YLPM1: variants seen among roughly 807,000 people sequenced by gnomAD.
YLPM1 encodes the protein YLP motif-containing protein 1.
YLPM1 carries 99 observed loss-of-function variants against 230.0 expected under a neutral mutation model. The observed-to-expected ratio is 0.43, with a 90% CI of 0.37 to 0.51. YLPM1 has a LOEUF of 0.51. Ranked by LOEUF, YLPM1 falls within the 20% of genes least tolerant of loss-of-function variation. The pLI is 0.00. For synonymous variants in YLPM1, 984 were observed against 942.5 expected (o/e 1.04, Z -0.81); for missense variants, 2,592 against 2,707.7 (o/e 0.96, Z 0.95).
intron 5 of YLPM1, 41 bp from the exon 6 acceptor site, chr14:74,802,515 A>G: frequency 1.3e-6 from 2 of 1,572,910 alleles, no homozygotes; most frequent in Non-Finnish European, 1.7e-6. Flanking sequence ...GGAATGGAAT[A>G]AGCATGCTTT....
rs201788808 is a variant in YLPM1, at chr14:74,809,788, C to A, written c.4930C>A (p.His1644Asn). ...AGTACAACAGACTGTTGATTATGGCCATGGCCGAGGTGAGTAATGATAGTG... is the reference window on the plus strand; with the variant it reads ...AGTACAACAGACTGTTGATTATGGCAATGGCCGAGGTGAGTAATGATAGTG... ...PPVQQTVDYG[H>N]GRDISTNKVE... is the part of the protein sequence containing the mutation. The change falls in exon 7 of 21, where the codon CAT becomes AAT. Residue 1644 changes from histidine to asparagine, a missense_variant. Physicochemically the swap from His to Asn is moderately conservative, Grantham distance 68 (BLOSUM62 1). Transcript: ENST00000325680. The A allele has an allele frequency of 3.7e-6, 6 of 1,613,932 alleles. No individual in the cohort carries two copies. The Admixed American group carries it at 8.3e-5, about 22-fold the overall frequency.
chr14:74,780,388 T>C lies in YLPM1; in HGVS notation c.1111-17T>C. Reference sequence around the variant, plus strand: ...GTTTTATGACTTACATAAAGATGTGTCCTCTTTTATCTTTAGTCTGAGGAC... The same window carrying C: ...GTTTTATGACTTACATAAAGATGTGCCCTCTTTTATCTTTAGTCTGAGGAC... On this transcript the variant is annotated splice_polypyrimidine_tract_variant and intron_variant, in intron 2 of 20. Transcript: ENST00000325680. 1 of 1,597,652 alleles carries C rather than the reference T, an allele frequency of 6.3e-7. No homozygotes were observed. Among genetic ancestry groups the C allele is most frequent in the South Asian group, 1.1e-5 (1 of 89,006 alleles).
chr14:74,829,175 C>T (rs1339172919), intron 18 of YLPM1, 38 bp from the exon 19 acceptor site: 4 of 1,610,112 alleles, frequency 2.5e-6, no homozygotes, highest in South Asian at 1.1e-5. Context: ...CAAACTCACA[C>T]TCTTCCTTAA....
At chr14:74,827,250 CT>C in intron 18 of YLPM1, 2 of 822,040 alleles carry the variant, frequency 2.4e-6, no homozygotes, top group African/African-American at 3.7e-5. Flanking sequence ...AAAACTTCAT[CT>C]TTTGAAATCT....
At chr14:74,828,076 G>A (rs2091579800) in intron 18 of YLPM1, 1 of 881,442 alleles carries the variant, frequency 1.1e-6, no homozygotes. Flanking sequence ...AAATCTTACT[G>A]GTTTTTAAAG....
At chr14:74,816,059 T>C in intron 11 of YLPM1, 144 bp from the exon 12 acceptor site, 1 of 648,928 alleles carries the variant, frequency 1.5e-6, no homozygotes, top group Non-Finnish European at 2.5e-6. Context: ...ATATTATTTC[T>C]GTCCTTTCAA....
At chr14:74,820,420 T>C (rs1385049813) in intron 16 of YLPM1, among the ~76,000 whole-genome samples, 1 of 152,098 alleles carries the variant, frequency 6.6e-6, no homozygotes, top group South Asian at 2.1e-4. Context: ...GCTAATTTTT[T>C]ATTTTTTTTT....
In YLPM1 at chr14:74,809,519, C is replaced by T. The variant is rs769505174; in HGVS notation, c.4661C>T (p.Pro1554Leu). 1.2e-5 allele frequency: 19 copies of T among 1,587,708 alleles called. No individual in the cohort carries two copies. Among genetic ancestry groups the T allele is most frequent in the Middle Eastern group, 1.7e-4 (1 of 6,034 alleles). ...VPIPPPPPPP[P>L]LPPPPPVIKP... is the part of the protein sequence containing the mutation. Reference sequence around the variant, plus strand: ...ATACCACCACCTCCACCTCCTCCACCTCTACCTCCTCCTCCTCCAGTGATA... The same window carrying T: ...ATACCACCACCTCCACCTCCTCCACTTCTACCTCCTCCTCCTCCAGTGATA... The change falls in exon 7 of 21, where the codon CCT (proline) becomes CTT (leucine). Residue 1554 changes from proline (P) to leucine (L), a missense_variant. Around this residue, in one of 4 missense-constraint regions of YLPM1, gnomAD observed 403 missense variants for 426.7 expected, o/e 0.94. Coordinates refer to ENST00000325680, the MANE Select transcript of YLPM1 (RefSeq NM_019589.3).
intron 4 of YLPM1, among the ~76,000 whole-genome samples, chr14:74,790,102 C>A (rs1215145700): frequency 6.6e-6 from 1 of 152,028 alleles, no homozygotes; most frequent in East Asian, 1.9e-4. Flanking sequence ...AATCCATTGA[C>A]CATTTGGAGG....
In YLPM1 at chr14:74,799,334, A is replaced by T. The variant is rs760752959; in HGVS notation, c.4037A>T (p.Tyr1346Phe). ...CCACCTCTTCCACCTTTGGATAGATATCGGGATGATAGATGGAGAGAAGAA... is the reference window on the plus strand; with the variant it reads ...CCACCTCTTCCACCTTTGGATAGATTTCGGGATGATAGATGGAGAGAAGAA... ...PLPPLPPLDR[Y>F]RDDRWREERN... is the part of the protein sequence containing the mutation. The change falls in exon 5 of 21, where the codon TAT (tyrosine) becomes TTT (phenylalanine). Residue 1346 changes from tyrosine (Y) to phenylalanine (F), a missense_variant. Coordinates refer to ENST00000325680, the MANE Select transcript of YLPM1 (RefSeq NM_019589.3). The T allele has an allele frequency of 6.2e-7, 1 of 1,613,992 alleles. No individual in the cohort carries two copies. The highest frequency in any genetic ancestry group is 8.5e-7 in the Non-Finnish European group (1 of 1,179,886).
intron 1 of YLPM1, among the ~76,000 whole-genome samples, 187 bp from the exon 2 acceptor site, chr14:74,778,260 A>G (rs186184549): frequency 1.4e-4 from 21 of 152,248 alleles, no homozygotes; most frequent in Admixed American, 6.5e-4. Flanking sequence ...AATTTGGGGG[A>G]GGAACTGAAA....
At chr14:74,816,484 A>G (rs1056945908) in intron 12 of YLPM1, 87 bp from the exon 13 acceptor site, 3 of 1,470,806 alleles carry the variant, frequency 2.0e-6, no homozygotes, top group East Asian at 2.4e-5. Context: ...AAGATTGTAT[A>G]TTATTTAGCC....
At chr14:74,816,403 G>T in intron 12 of YLPM1, 138 bp downstream of exon 12, 1 of 1,244,272 alleles carries the variant, frequency 8.0e-7, no homozygotes, top group Non-Finnish European at 1.1e-6. Flanking sequence ...CCATGTGGTA[G>T]ATGTTGTCCC....
chr14:74,786,498 A>G (rs1427358123), intron 4 of YLPM1, among the ~76,000 whole-genome samples: 1 of 152,092 alleles, frequency 6.6e-6, no homozygotes, highest in Non-Finnish European at 1.5e-5. Flanking sequence ...ATACTGAGCC[A>G]TAGATTAGTT....
At chr14:74,780,708 G>C in intron 3 of YLPM1, 124 bp downstream of exon 3, 1 of 1,445,634 alleles carries the variant, frequency 6.9e-7, no homozygotes, top group South Asian at 1.6e-5. Context: ...TGTTTCCCAA[G>C]GGGTGCCCAA....
chr14:74,821,020 A>G (rs781713710), intron 16 of YLPM1, 37 bp from the exon 17 acceptor site: 1 of 1,437,948 alleles, frequency 7.0e-7, no homozygotes, highest in East Asian at 2.6e-5. Context: ...CTAAATGTTA[A>G]CTCAGTCTTT....
chr14:74,810,720 TTTATTA>T (rs34344967), intron 9 of YLPM1, among the ~76,000 whole-genome samples: 48 of 150,244 alleles, frequency 3.2e-4, no homozygotes, highest in African/African-American at 1.1e-3. Flanking sequence ...GAGCTTTTTA[TTTATTA>T]TTATTATTAT....
chr14:74,792,741 A>G (rs2091218953), intron 4 of YLPM1, among the ~76,000 whole-genome samples: 1 of 152,200 alleles, frequency 6.6e-6, no homozygotes, highest in Admixed American at 6.5e-5. Flanking sequence ...GTTCTTCCTC[A>G]ACACTCTGCC....
At chr14:74,816,118 A>G (rs2091475855) in intron 11 of YLPM1, 85 bp from the exon 12 acceptor site, 1 of 1,241,784 alleles carries the variant, frequency 8.1e-7, no homozygotes, top group Non-Finnish European at 1.1e-6. Flanking sequence ...ATCCTGGAAA[A>G]TGGTAGGTCA....
Sources: gnomAD v4.1 joint callset for allele counts (sites outside exome capture counted in the v4.1 genomes callset) on GRCh38, gnomAD v4.1.1 for gene constraint, gnomAD v4.1.1 regional missense constraint, MANE v1.5 for transcripts, NCBI Gene and HGNC (gene_info 2026-07-23, HGNC 2026-07-21) for gene names.